SERPINB2: variants seen among roughly 807,000 people sequenced by gnomAD.
SERPINB2 encodes serpin family B member 2, also known as plasminogen activator inhibitor 2.
Under a neutral mutation model 39.4 loss-of-function variants are expected in SERPINB2, and 28 were observed. That is an observed-to-expected ratio of 0.71 (90% CI 0.53 to 0.97). SERPINB2 has a LOEUF of 0.97. Ranked by LOEUF, SERPINB2 falls within the 50% of genes least tolerant of loss-of-function variation. The pLI is 0.00. For synonymous variants in SERPINB2, 209 were observed against 175.1 expected (o/e 1.19, Z -1.53); for missense variants, 557 against 505.3 (o/e 1.10, Z -0.98).
At chr18:63,893,751 G>C (rs938996396) in intron 2 of SERPINB2, among the ~76,000 whole-genome samples, 1 of 152,152 alleles carries the variant, frequency 6.6e-6, no homozygotes, top group Non-Finnish European at 1.5e-5. Context: ...AGTAGCAGTT[G>C]CTATAATAAC....
chr18:63,894,857 T>G (rs2049948878), intron 2 of SERPINB2, among the ~76,000 whole-genome samples: 2 of 152,222 alleles, frequency 1.3e-5, no homozygotes, highest in South Asian at 2.1e-4. Context: ...GAAAGTATTT[T>G]GTGTATAAGG....
intron 6 of SERPINB2, 64 bp from the exon 7 acceptor site, chr18:63,902,340 T>A (rs1568238292): frequency 7.2e-7 from 1 of 1,394,490 alleles, no homozygotes; most frequent in Non-Finnish European, 9.6e-7. Flanking sequence ...CTCCTTTATG[T>A]CTAATTGTAA....
intron 3 of SERPINB2, 101 bp downstream of exon 3, chr18:63,895,484 C>T (rs2049953901): frequency 1.4e-6 from 2 of 1,391,760 alleles, no homozygotes; most frequent in Non-Finnish European, 2.0e-6. Context: ...AATATACCCT[C>T]CCCCATTCAC....
intron 3 of SERPINB2, among the ~76,000 whole-genome samples, chr18:63,896,624 G>A (rs1423769626): frequency 6.6e-6 from 1 of 152,184 alleles, no homozygotes; most frequent in Non-Finnish European, 1.5e-5. Flanking sequence ...GTATGTATGT[G>A]TGTATGTATA....
chr18:63,889,626 ATAAT>A (rs1266088311), intron 1 of SERPINB2, among the ~76,000 whole-genome samples: 3 of 152,102 alleles, frequency 2.0e-5, no homozygotes, highest in Non-Finnish European at 2.9e-5. Context: ...AGATATTGAG[ATAAT>A]TAATTTTAAA....
In SERPINB2 at chr18:63,903,296, C is replaced by T; in HGVS notation, c.1239C>T (p.Ser413=). 6.5e-7 allele frequency: 1 copy of T among 1,529,376 alleles called. No individual in the cohort carries two copies. Among genetic ancestry groups the T allele is most frequent in the Non-Finnish European group, 8.8e-7 (1 of 1,138,914 alleles). 94.7% of individuals were successfully genotyped at this position (1,529,376 alleles called of 1,614,324 possible). The change falls in exon 8 of 8, where the codon TCC becomes TCT. Residue 413 remains serine (S), a synonymous_variant. Transcript: ENST00000299502. ...GCATTTTATTTTTCGGCAGATTTTCCTCACCCTAAAACTAAGCGTGCTGCT... is the reference window on the plus strand; with the variant it reads ...GCATTTTATTTTTCGGCAGATTTTCTTCACCCTAAAACTAAGCGTGCTGCT... The part of the protein sequence containing the change: ...TNCILFFGRF[S]SP
chr18:63,897,008 T>G, intron 3 of SERPINB2, 83 bp from the exon 4 acceptor site: 1 of 1,331,726 alleles, frequency 7.5e-7, no homozygotes, highest in Non-Finnish European at 1.0e-6. Context: ...ATGATTGTAT[T>G]CAAAAACTAT....
chr18:63,902,359 A>G (rs756150240), intron 6 of SERPINB2, 45 bp from the exon 7 acceptor site: 149 of 1,475,516 alleles, frequency 1.0e-4, no homozygotes, highest in Non-Finnish European at 1.3e-4. Flanking sequence ...AAATCTCTTG[A>G]TATCTTATAA....
chr18:63,897,308 A>G, intron 4 of SERPINB2, 89 bp downstream of exon 4: 3 of 1,480,600 alleles, frequency 2.0e-6, no homozygotes. Context: ...AACAGTTCAT[A>G]AAAGCAGAGT....
At chr18:63,902,278 T>C (rs2049996615) in intron 6 of SERPINB2, 126 bp from the exon 7 acceptor site, 1 of 801,132 alleles carries the variant, frequency 1.2e-6, no homozygotes, top group Non-Finnish European at 1.9e-6. Context: ...AAATAATTTA[T>C]TTTGTTGATT....
At chr18:63,887,906 T>G (rs2049903152) in intron 1 of SERPINB2, 136 bp downstream of exon 1, 1 of 152,244 alleles carries the variant, frequency 6.6e-6, no homozygotes, top group Non-Finnish European at 1.5e-5. Flanking sequence ...AGTGGTGTTT[T>G]CTTGTTTAGT....
In SERPINB2 at chr18:63,895,464, G is replaced by A. The variant is rs561219358; in HGVS notation, c.288+81G>A. On this transcript the variant is annotated intron_variant, in intron 3 of 7. Transcript: ENST00000299502. ...TCTTAAAGCCACAGTGTCAGACTGGGAAGGAAGCGAATATACCCTCCCCCA... is the reference window on the plus strand; with the variant it reads ...TCTTAAAGCCACAGTGTCAGACTGGAAAGGAAGCGAATATACCCTCCCCCA... 1.2e-5 allele frequency: 18 copies of A among 1,556,320 alleles called. 1 individual carries two copies. The South Asian group carries it at 1.8e-4, about 16-fold the overall frequency.
At chr18:63,889,383 T>C (rs932112227) in intron 1 of SERPINB2, among the ~76,000 whole-genome samples, 6 of 152,210 alleles carry the variant, frequency 3.9e-5, no homozygotes, top group Non-Finnish European at 7.3e-5. Context: ...AATTCTAACT[T>C]AGTATTAACA....
intron 5 of SERPINB2, among the ~76,000 whole-genome samples, chr18:63,899,479 T>C (rs186486137): frequency 6.6e-6 from 1 of 152,302 alleles, no homozygotes; most frequent in East Asian, 1.9e-4. Flanking sequence ...TAATAACATA[T>C]AAATGTATTT....
chr18:63,895,488 C>A, intron 3 of SERPINB2, 105 bp downstream of exon 3: 2 of 1,370,910 alleles, frequency 1.5e-6, no homozygotes, highest in Non-Finnish European at 2.0e-6. Flanking sequence ...TACCCTCCCC[C>A]ATTCACAGAA....
rs200387636 is a variant in SERPINB2, at chr18:63,895,346, A to G, written c.251A>G (p.Gln84Arg). 61 of 1,614,028 alleles carry G rather than the reference A, an allele frequency of 3.8e-5. No homozygotes were observed. Among genetic ancestry groups the G allele is most frequent in the Middle Eastern group, 1.6e-4 (1 of 6,082 alleles). Residue 84 changes from glutamine (Q) to arginine (R), a missense_variant, in exon 3 of 8, where the codon CAG (glutamine) becomes CGG (arginine). Transcript: ENST00000299502. ...TTTACCAGCTGTGGGTTCATGCAGC[A>G]GATCCAGAAGGGTAGTTATCCTGAT... ...ENFTSCGFMQ[Q>R]IQKGSYPDAI...
intron 5 of SERPINB2, among the ~76,000 whole-genome samples, chr18:63,899,770 T>G (rs1446361548): frequency 1.3e-5 from 2 of 152,224 alleles, no homozygotes; most frequent in African/African-American, 2.4e-5. Flanking sequence ...CATTTAACTC[T>G]TATGTTTAAG....
intron 3 of SERPINB2, among the ~76,000 whole-genome samples, chr18:63,896,297 G>A (rs2049959038): frequency 6.6e-6 from 1 of 152,170 alleles, no homozygotes; most frequent in Non-Finnish European, 1.5e-5. Context: ...CTGTGACCAA[G>A]CCCTGTGTCT....
intron 6 of SERPINB2, 83 bp from the exon 7 acceptor site, chr18:63,902,321 G>A (rs767468546): frequency 4.8e-5 from 61 of 1,268,414 alleles, no homozygotes; most frequent in Non-Finnish European, 5.9e-5. Context: ...CACTAAAGTA[G>A]AACCAATCCT....
Sources: gnomAD v4.1 joint callset for allele counts (sites outside exome capture counted in the v4.1 genomes callset) on GRCh38, gnomAD v4.1.1 for gene constraint, MANE v1.5 for transcripts, NCBI Gene and HGNC (gene_info 2026-07-23, HGNC 2026-07-21) for gene names.